IMMP2L: variants seen among roughly 807,000 people sequenced by gnomAD.
IMMP2L encodes the protein inner mitochondrial membrane peptidase subunit 2.
IMMP2L carries 18 observed loss-of-function variants against 19.3 expected under a neutral mutation model. That is an observed-to-expected ratio of 0.93 (90% CI 0.64 to 1.38). The LOEUF is 1.38. Among genes scored for constraint, IMMP2L ranks in the 40% most tolerant of loss-of-function variants. IMMP2L has a pLI of 0.00. For synonymous variants in IMMP2L, 76 were observed against 73.0 expected (o/e 1.04, Z -0.21); for missense variants, 233 against 218.2 (o/e 1.07, Z -0.43).
chr7:111,127,450 T>C (rs549587928), intron 3 of IMMP2L, among the ~76,000 whole-genome samples: 1 of 152,198 alleles, frequency 6.6e-6, no homozygotes, highest in Non-Finnish European at 1.5e-5. Flanking sequence ...GCATTCTGAA[T>C]AGACATCTAG....
At chr7:111,473,405 G>C (rs1228557798) in intron 3 of IMMP2L, among the ~76,000 whole-genome samples, 1 of 152,174 alleles carries the variant, frequency 6.6e-6, no homozygotes, top group African/African-American at 2.4e-5. Flanking sequence ...TACAGAGCCA[G>C]ATGTCACTAA....
At chr7:111,015,440 A>G (rs976518444) in intron 3 of IMMP2L, among the ~76,000 whole-genome samples, 3 of 152,118 alleles carry the variant, frequency 2.0e-5, no homozygotes, top group African/African-American at 7.2e-5. Flanking sequence ...ATGGGCATAG[A>G]GTTTTAGATT....
chr7:111,517,306 A>C (rs1164921984), intron 2 of IMMP2L, among the ~76,000 whole-genome samples: 6 of 152,072 alleles, frequency 3.9e-5, no homozygotes, highest in African/African-American at 1.4e-4. Context: ...GTAATTTCCT[A>C]ATATATTCTG....
At chr7:111,233,238 A>G (rs942601093) in intron 3 of IMMP2L, among the ~76,000 whole-genome samples, 5 of 152,278 alleles carry the variant, frequency 3.3e-5, no homozygotes, top group African/African-American at 1.2e-4. Context: ...TACAATCTCT[A>G]AAATAATAGT....
intron 3 of IMMP2L, among the ~76,000 whole-genome samples, chr7:111,273,073 T>C (rs974420611): frequency 1.3e-5 from 2 of 150,978 alleles, no homozygotes; most frequent in African/African-American, 4.9e-5. Flanking sequence ...AGGTCAGGAG[T>C]TCAAGACCAG....
chr7:111,177,642 G>C (rs757122880), intron 3 of IMMP2L, among the ~76,000 whole-genome samples: 1 of 151,992 alleles, frequency 6.6e-6, no homozygotes, highest in Non-Finnish European at 1.5e-5. Flanking sequence ...TACATGTATA[G>C]ATCTTTTAGT....
rs1004197386 is a variant in IMMP2L, at chr7:111,501,313, T to C, written c.136-13972A>G. On this transcript the variant is annotated intron_variant, in intron 2 of 5. Coordinates refer to ENST00000405709, the MANE Select transcript of IMMP2L (RefSeq NM_032549.4). ...AAACAAACAAAGCCTCCAAGAAATATGGGACTATGTGAAAAGACCAAATCT... is the reference window on the plus strand; with the variant it reads ...AAACAAACAAAGCCTCCAAGAAATACGGGACTATGTGAAAAGACCAAATCT... 4.3e-4 allele frequency among the ~76,000 whole-genome samples: 66 copies of C among 152,180 alleles called. 2 individuals are homozygous for C. Among genetic ancestry groups the C allele is most frequent in the Admixed American group, 4.3e-3 (65 of 15,288 alleles).
chr7:111,177,701 A>G (rs1300787352), intron 3 of IMMP2L, among the ~76,000 whole-genome samples: 1 of 152,112 alleles, frequency 6.6e-6, no homozygotes, highest in Admixed American at 6.6e-5. Context: ...AAGATAACAC[A>G]CAAGTTTAAT....
intron 4 of IMMP2L, among the ~76,000 whole-genome samples, chr7:110,903,081 A>T (rs1215495000): frequency 6.6e-6 from 1 of 152,194 alleles, no homozygotes; most frequent in Non-Finnish European, 1.5e-5. Flanking sequence ...ACTCAGCTGA[A>T]CAGCCAGCGA....
chr7:111,450,282 G>A (rs1421669596), intron 3 of IMMP2L, among the ~76,000 whole-genome samples: 1 of 151,310 alleles, frequency 6.6e-6, no homozygotes, highest in East Asian at 1.9e-4. Flanking sequence ...AACAAAGCTG[G>A]AGGCATCACA....
chr7:110,886,552 G>T, intron 5 of IMMP2L, 41 bp downstream of exon 5: 1 of 1,134,990 alleles, frequency 8.8e-7, no homozygotes, highest in Non-Finnish European at 1.3e-6. Context: ...TCTCACCTTT[G>T]AAATCCAATT....
At chr7:110,832,478 T>C (rs1476630232) in intron 5 of IMMP2L, among the ~76,000 whole-genome samples, 1 of 152,098 alleles carries the variant, frequency 6.6e-6, no homozygotes. Context: ...CTGACAAGCC[T>C]GCCTTCCCTA....
intron 3 of IMMP2L, among the ~76,000 whole-genome samples, chr7:111,344,012 C>T (rs531028460): frequency 5.3e-5 from 8 of 152,156 alleles, no homozygotes; most frequent in African/African-American, 1.7e-4. Context: ...TTGAATCTGA[C>T]CACTTATCTC....
intron 3 of IMMP2L, among the ~76,000 whole-genome samples, chr7:111,451,703 AAAGTAT>A (rs1480914939): frequency 6.7e-6 from 1 of 148,962 alleles, no homozygotes; most frequent in African/African-American, 2.5e-5. Flanking sequence ...CCTAAAACTT[AAAGTAT>A]AATTAAAAAA....
Position 111,123,897 on chromosome 7 carries a change from C to T in IMMP2L, c.240-160332G>A. ...GTAACCCCATCAGGTGTGACTGTGTCATCCGTTGGATGAACATGAACAAAA... is the reference window on the plus strand; with the variant it reads ...GTAACCCCATCAGGTGTGACTGTGTTATCCGTTGGATGAACATGAACAAAA... On this transcript the variant is annotated intron_variant, in intron 3 of 5. Coordinates refer to ENST00000405709, the MANE Select transcript of IMMP2L (RefSeq NM_032549.4). The surrounding 1 kb of genome is among the most constrained non-coding windows in gnomAD (Gnocchi z 6.4). The T allele has an allele frequency of 6.2e-7, 1 of 1,613,998 alleles. No homozygotes were observed. The highest frequency in any genetic ancestry group is 8.5e-7 in the Non-Finnish European group (1 of 1,180,006).
At chr7:111,013,239 T>C (rs906982391) in intron 3 of IMMP2L, among the ~76,000 whole-genome samples, 7 of 152,202 alleles carry the variant, frequency 4.6e-5, no homozygotes, top group African/African-American at 1.2e-4. Flanking sequence ...CTAAGAGCAA[T>C]TGAGAACCAC....
intron 5 of IMMP2L, among the ~76,000 whole-genome samples, chr7:110,746,962 G>A (rs142993375): frequency 1.5e-3 from 229 of 152,230 alleles, no homozygotes; most frequent in African/African-American, 5.4e-3. Flanking sequence ...AGTGAATCCA[G>A]GAGGTAGTTT....
intron 3 of IMMP2L, among the ~76,000 whole-genome samples, chr7:111,478,137 T>C (rs1373585335): frequency 6.6e-6 from 1 of 152,144 alleles, no homozygotes; most frequent in Admixed American, 6.5e-5. Flanking sequence ...TCCACTATTA[T>C]ATTATTTACA....
intron 3 of IMMP2L, among the ~76,000 whole-genome samples, chr7:111,394,476 TTTTG>T (rs760098547): frequency 4.6e-5 from 7 of 152,236 alleles, no homozygotes; most frequent in East Asian, 1.9e-4. Context: ...TGAGTGCCAT[TTTTG>T]TTTGTTTGTT....
Sources: gnomAD v4.1 joint callset for allele counts (sites outside exome capture counted in the v4.1 genomes callset) on GRCh38, gnomAD v4.1.1 for gene constraint, Gnocchi (gnomAD v3.1) non-coding constraint, MANE v1.5 for transcripts, NCBI Gene and HGNC (gene_info 2026-07-23, HGNC 2026-07-21) for gene names.